SYNPR: variants seen among roughly 807,000 people sequenced by gnomAD.
The protein encoded by SYNPR is synaptoporin.
SYNPR carries 23 observed loss-of-function variants against 32.9 expected under a neutral mutation model. The observed-to-expected ratio is 0.70, with a 90% CI of 0.50 to 0.99. The LOEUF is 0.99. Ranked by LOEUF, SYNPR falls within the 50% of genes least tolerant of loss-of-function variation. The pLI is 0.00. For synonymous variants in SYNPR, 146 were observed against 135.9 expected (o/e 1.07, Z -0.52); for missense variants, 318 against 349.3 (o/e 0.91, Z 0.71).
intron 2 of SYNPR, among the ~76,000 whole-genome samples, chr3:63,385,918 G>A (rs2088037608): frequency 6.6e-6 from 1 of 152,184 alleles, no homozygotes; most frequent in Non-Finnish European, 1.5e-5. Context: ...GTTTTGCATA[G>A]ACTATCGAAG....
At chr3:63,348,124 G>A (rs1575605879) in intron 2 of SYNPR, among the ~76,000 whole-genome samples, 1 of 152,176 alleles carries the variant, frequency 6.6e-6, no homozygotes, top group East Asian at 1.9e-4. Flanking sequence ...TTCCATAGAG[G>A]TTGTACTAAT....
At chr3:63,608,595 C>T (rs1458558011) in intron 4 of SYNPR, among the ~76,000 whole-genome samples, 3 of 151,904 alleles carry the variant, frequency 2.0e-5, no homozygotes, top group African/African-American at 4.8e-5. Context: ...AGTGAACAAA[C>T]GAATGAATGA....
At chr3:63,566,381 T>G (rs745842476) in intron 4 of SYNPR, among the ~76,000 whole-genome samples, 3 of 152,310 alleles carry the variant, frequency 2.0e-5, no homozygotes, top group Non-Finnish European at 4.4e-5. Context: ...GGTTTTACTT[T>G]TTGTTTTTCA....
At chr3:63,388,429 C>A (rs2088084141) in intron 2 of SYNPR, among the ~76,000 whole-genome samples, 1 of 143,400 alleles carries the variant, frequency 7.0e-6, no homozygotes, top group African/African-American at 2.6e-5. Context: ...ACTATGTCAC[C>A]CAGGCTGGAG....
At chr3:63,223,718 A>G (rs1301053980), upstream of SYNPR, among the ~76,000 whole-genome samples, 2 of 152,238 alleles carry the variant, frequency 1.3e-5, no homozygotes, top group African/African-American at 4.8e-5. Flanking sequence ...GAGACTATCT[A>G]GTTAAAAGGA....
chr3:63,427,009 C>T (rs1699904755), intron 2 of SYNPR, among the ~76,000 whole-genome samples: 1 of 151,984 alleles, frequency 6.6e-6, no homozygotes, highest in African/African-American at 2.4e-5. Flanking sequence ...TGGGTATATC[C>T]ATACTGACAG....
At chr3:63,581,793 CA>C (rs202240413) in intron 4 of SYNPR, among the ~76,000 whole-genome samples, 65 of 146,738 alleles carry the variant, frequency 4.4e-4, no homozygotes, top group African/African-American at 7.2e-4. Context: ...TTTCTTATTA[CA>C]AAAAAAAAAA....
At chr3:63,607,571 G>T (rs1325684614) in intron 4 of SYNPR, among the ~76,000 whole-genome samples, 1 of 152,088 alleles carries the variant, frequency 6.6e-6, no homozygotes, top group Non-Finnish European at 1.5e-5. Flanking sequence ...AGAAGAAAGG[G>T]AATATAAAAC....
intron 4 of SYNPR, among the ~76,000 whole-genome samples, chr3:63,566,095 C>T (rs1290345492): frequency 6.6e-6 from 1 of 152,268 alleles, no homozygotes; most frequent in East Asian, 1.9e-4. Flanking sequence ...CATCAAAGAA[C>T]TCTTGCGTTT....
chr3:63,202,539 A>G, the SYNPR span, among the ~76,000 whole-genome samples: 2 of 152,196 alleles, frequency 1.3e-5, no homozygotes, highest in African/African-American at 2.4e-5. Flanking sequence ...CAAACTTTAA[A>G]CTAAATATTG....
At chr3:63,432,348 T>C (rs1277569183) in intron 2 of SYNPR, among the ~76,000 whole-genome samples, 1 of 152,108 alleles carries the variant, frequency 6.6e-6, no homozygotes, top group African/African-American at 2.4e-5. Context: ...AGCCTTCTGG[T>C]GGTACACAGG....
chr3:63,528,312 A>T (rs528067643), intron 3 of SYNPR, among the ~76,000 whole-genome samples: 8 of 152,350 alleles, frequency 5.3e-5, no homozygotes, highest in Non-Finnish European at 1.2e-4. Context: ...ATCTTTTCTG[A>T]GGTCATGTCC....
intron 4 of SYNPR, among the ~76,000 whole-genome samples, chr3:63,560,681 G>A (rs2106833223): frequency 6.6e-6 from 1 of 152,256 alleles, no homozygotes; most frequent in East Asian, 1.9e-4. Flanking sequence ...TTACGATCAT[G>A]GTGGAAGGCA....
chr3:63,576,432 A>G (rs1702980296), intron 4 of SYNPR, among the ~76,000 whole-genome samples: 1 of 152,142 alleles, frequency 6.6e-6, no homozygotes, highest in South Asian at 2.1e-4. Flanking sequence ...AGTTTTTCTT[A>G]AAACTGTATC....
intron 4 of SYNPR, among the ~76,000 whole-genome samples, chr3:63,571,026 G>A (rs1209799042): frequency 6.6e-6 from 1 of 152,118 alleles, no homozygotes; most frequent in Non-Finnish European, 1.5e-5. Context: ...TATAATATTG[G>A]AGGTACCCAT....
the SYNPR span, among the ~76,000 whole-genome samples, chr3:63,217,673 G>A: frequency 6.6e-6 from 1 of 151,574 alleles, no homozygotes; most frequent in Non-Finnish European, 1.5e-5. Context: ...CGTCTTCTGC[G>A]TCGCTCACGC....
At chr3:63,256,120 C>T (rs1575577537) in intron 2 of SYNPR, among the ~76,000 whole-genome samples, 3 of 152,210 alleles carry the variant, frequency 2.0e-5, no homozygotes, top group Admixed American at 1.3e-4. Flanking sequence ...GCCTGCCTGC[C>T]TCTGTAGGCT....
intron 2 of SYNPR, among the ~76,000 whole-genome samples, chr3:63,452,803 G>A (rs1185207938): frequency 6.6e-6 from 1 of 152,082 alleles, no homozygotes; most frequent in Non-Finnish European, 1.5e-5. Context: ...ATGTTAACCT[G>A]TGAAAAGTTG....
chr3:63,237,901 G>A (rs2086211196), intron 1 of SYNPR, among the ~76,000 whole-genome samples: 1 of 152,000 alleles, frequency 6.6e-6, no homozygotes, highest in Non-Finnish European at 1.5e-5. Flanking sequence ...GAGCATCTAA[G>A]GCTTGGCAGA....
Sources: allele counts gnomAD v4.1 joint callset (sites outside exome capture counted in the v4.1 genomes callset), GRCh38; gene constraint gnomAD v4.1.1; transcripts MANE v1.5; gene names NCBI Gene and HGNC (gene_info 2026-07-23, HGNC 2026-07-21).